Variants in TMEM132D observed in about 807,000 individuals in gnomAD.
TMEM132D encodes the protein transmembrane protein 132D, also known as mature OL transmembrane protein.
Under a neutral mutation model 62.3 loss-of-function variants are expected in TMEM132D, and 21 were observed. The observed-to-expected ratio is 0.34, with a 90% CI of 0.24 to 0.49. The LOEUF (loss-of-function observed/expected upper bound fraction) is 0.49. Among genes scored for constraint, TMEM132D ranks in the 20% least tolerant of loss-of-function variants. The pLI, the probability that TMEM132D is intolerant of heterozygous loss-of-function variation, is 0.99. For synonymous variants in TMEM132D, 621 were observed against 575.6 expected, an observed-to-expected ratio of 1.08 and a Z score of -1.13; for missense variants, 1,346 against 1,402.8, an observed-to-expected ratio of 0.96 and a Z score of 0.65.
At chr12:129,489,179 C>T (rs1240614438) in intron 3 of TMEM132D, among the ~76,000 whole-genome samples, 2 of 152,172 alleles carry the variant, frequency 1.3e-5, no homozygotes, top group African/African-American at 2.4e-5. Context: ...TCCTTTTTCT[C>T]CTTAAGTAAG....
At chr12:129,677,234 C>G (rs1880652832) in intron 2 of TMEM132D, among the ~76,000 whole-genome samples, 1 of 152,122 alleles carries the variant, frequency 6.6e-6, no homozygotes, top group Admixed American at 6.5e-5. Context: ...CTTTCCTGTG[C>G]TGTTCTCTTA....
chr12:129,316,321 C>T (rs568083855), intron 4 of TMEM132D, among the ~76,000 whole-genome samples: 1 of 152,216 alleles, frequency 6.6e-6, no homozygotes, highest in Non-Finnish European at 1.5e-5. Context: ...TTTGCTGTAT[C>T]CCAGAGGTTT....
chr12:129,460,973 T>C (rs1873647991), intron 3 of TMEM132D, among the ~76,000 whole-genome samples: 2 of 151,938 alleles, frequency 1.3e-5, no homozygotes, highest in Non-Finnish European at 2.9e-5. Flanking sequence ...CAAGTGTGGA[T>C]TATGTGGGTT....
intron 2 of TMEM132D, among the ~76,000 whole-genome samples, chr12:129,653,379 G>T (rs1480420762): frequency 6.6e-6 from 1 of 152,180 alleles, no homozygotes; most frequent in Non-Finnish European, 1.5e-5. Context: ...ATGGTATGGG[G>T]CCCGTGAACA....
intron 3 of TMEM132D, among the ~76,000 whole-genome samples, chr12:129,357,591 A>G (rs1208489071): frequency 6.6e-6 from 1 of 152,060 alleles, no homozygotes; most frequent in Non-Finnish European, 1.5e-5. Flanking sequence ...GGGAGAAAGA[A>G]AGGAGAGAAA....
chr12:129,101,854 T>A (rs558725934), intron 5 of TMEM132D, among the ~76,000 whole-genome samples: 9 of 152,224 alleles, frequency 5.9e-5, no homozygotes, highest in Non-Finnish European at 1.3e-4. Context: ...TATTTCGGAC[T>A]ATAAATAAAA....
intron 4 of TMEM132D, among the ~76,000 whole-genome samples, chr12:129,269,252 T>G (rs1234900656): frequency 1.3e-5 from 2 of 152,198 alleles, no homozygotes; most frequent in African/African-American, 4.8e-5. Context: ...TCAGCTTGTA[T>G]AGTGATTTTT....
At chr12:129,211,825 A>G (rs1879059995) in intron 4 of TMEM132D, 1 of 152,178 alleles carries the variant, frequency 6.6e-6, no homozygotes, top group South Asian at 2.1e-4. Flanking sequence ...AATTCGAATA[A>G]AAACATGGCA....
At chr12:129,749,535 C>A (rs1869930366) in intron 1 of TMEM132D, among the ~76,000 whole-genome samples, 1 of 151,266 alleles carries the variant, frequency 6.6e-6, no homozygotes, top group Non-Finnish European at 1.5e-5. Context: ...CAGCTCACTG[C>A]AACCTCCACC....
chr12:129,128,995 C>G (rs2135523989), intron 5 of TMEM132D, among the ~76,000 whole-genome samples: 1 of 151,974 alleles, frequency 6.6e-6, no homozygotes, highest in Non-Finnish European at 1.5e-5. Context: ...CTTTTTTCTA[C>G]TTTACTTTCA....
intron 1 of TMEM132D, among the ~76,000 whole-genome samples, chr12:129,844,762 A>C (rs1257896677): frequency 6.6e-6 from 1 of 152,186 alleles, no homozygotes; most frequent in Non-Finnish European, 1.5e-5. Flanking sequence ...CATCTTTTGC[A>C]TTGTCAAGGG....
chr12:129,470,396 T>C (rs1874058562), intron 3 of TMEM132D, among the ~76,000 whole-genome samples: 1 of 152,206 alleles, frequency 6.6e-6, no homozygotes, highest in South Asian at 2.1e-4. Flanking sequence ...GTGTAGTTTA[T>C]GTAAGAGAAA....
intron 2 of TMEM132D, among the ~76,000 whole-genome samples, chr12:129,613,585 C>T (rs997710047): frequency 1.3e-5 from 2 of 152,224 alleles, no homozygotes; most frequent in Non-Finnish European, 2.9e-5. Context: ...CAGGAGGCTG[C>T]AAATGTCAGG....
In TMEM132D at chr12:129,556,234, G is replaced by A. The variant is rs189380488; in HGVS notation, c.969-25029C>T. On this transcript the variant is annotated intron_variant, in intron 2 of 8. Coordinates refer to ENST00000422113, the MANE Select transcript of TMEM132D (RefSeq NM_133448.3). ...CATTCTCTAACACAAACATTCCACC[G>A]CTGCTCGTCTCACCCAGCAGCTGTC... 6.6e-5 allele frequency among the ~76,000 whole-genome samples: 10 copies of A among 152,210 alleles called. No homozygotes were observed. In the East Asian group the frequency reaches 1.4e-3, roughly 21 times the overall value.
At chr12:129,870,424 C>T (rs1874203040) in intron 1 of TMEM132D, among the ~76,000 whole-genome samples, 1 of 152,130 alleles carries the variant, frequency 6.6e-6, no homozygotes, top group Admixed American at 6.5e-5. Context: ...GTGATTTCAT[C>T]GACTGCCCTT....
intron 4 of TMEM132D, among the ~76,000 whole-genome samples, chr12:129,280,452 AT>A (rs1881111324): frequency 6.6e-6 from 1 of 152,248 alleles, no homozygotes; most frequent in Non-Finnish European, 1.5e-5. Context: ...GATTCATAAT[AT>A]AAGATTTGCT....
At chr12:129,533,120 G>A (rs146858129) in intron 2 of TMEM132D, among the ~76,000 whole-genome samples, 116 of 152,268 alleles carry the variant, frequency 7.6e-4, no homozygotes, top group African/African-American at 2.5e-3. Flanking sequence ...TGGCCCTACT[G>A]CAAAAGTCAG....
chr12:129,138,082 C>A (rs546055624), intron 5 of TMEM132D, among the ~76,000 whole-genome samples: 1 of 151,936 alleles, frequency 6.6e-6, no homozygotes, highest in Non-Finnish European at 1.5e-5. Context: ...CTATAGAGGG[C>A]AAATAACATA....
At chr12:129,765,367 G>A (rs1870516774) in intron 1 of TMEM132D, among the ~76,000 whole-genome samples, 1 of 152,116 alleles carries the variant, frequency 6.6e-6, no homozygotes, top group Non-Finnish European at 1.5e-5. Context: ...GAGAGTTTGA[G>A]ACCAGCCTGA....
Sources: gnomAD v4.1 joint callset for allele counts (sites outside exome capture counted in the v4.1 genomes callset) on GRCh38, gnomAD v4.1.1 for gene constraint, MANE v1.5 for transcripts, NCBI Gene and HGNC (gene_info 2026-07-23, HGNC 2026-07-21) for gene names.